ODR4: variants seen among roughly 807,000 people sequenced by gnomAD.
The protein encoded by ODR4 is odr-4 GPCR localization factor homolog, also known as protein odr-4 homolog.
Under a neutral mutation model 60.2 loss-of-function variants are expected in ODR4, and 47 were observed. The ratio of observed to expected loss-of-function variants is 0.78; its 90% CI spans 0.62 to 1.00. The LOEUF (loss-of-function observed/expected upper bound fraction) is 1.00, where lower values mean the gene tolerates loss of function less well. Among genes scored for constraint, ODR4 ranks in the 50% least tolerant of loss-of-function variants. The probability of loss-of-function intolerance (pLI) is 0.00; values close to 1 mark genes in which losing one functional copy is unlikely to be tolerated. For missense variants in ODR4, 488 were observed against 530.8 expected, an observed-to-expected ratio of 0.92 and a Z score of 0.79; for synonymous variants, 178 against 175.5, an observed-to-expected ratio of 1.01 and a Z score of -0.11.
intron 8 of ODR4, among the ~76,000 whole-genome samples, chr1:186,392,914 A>G (rs1205276008): frequency 6.6e-6 from 1 of 152,232 alleles, no homozygotes; most frequent in Non-Finnish European, 1.5e-5. Context: ...CTGAGGCAGA[A>G]GAATGGCTTG....
intron 12 of ODR4, among the ~76,000 whole-genome samples, chr1:186,411,627 A>G (rs1301562134): frequency 6.6e-6 from 1 of 151,958 alleles, no homozygotes. Context: ...TATTAGCATG[A>G]ACCAGTAAAT....
intron 11 of ODR4, among the ~76,000 whole-genome samples, chr1:186,404,813 G>A (rs1661114000): frequency 6.6e-6 from 1 of 152,126 alleles, no homozygotes; most frequent in Non-Finnish European, 1.5e-5. Context: ...TGACAACGAA[G>A]TCTAGGTTAC....
chr1:186,401,358 C>G, intron 11 of ODR4: 1 of 507,062 alleles, frequency 2.0e-6, no homozygotes, highest in Non-Finnish European at 3.6e-6. Context: ...AGAGCATAGA[C>G]TGTAGTTTGG....
chr1:186,388,298 A>G (rs1408745921), intron 4 of ODR4, 144 bp from the exon 5 acceptor site: 6 of 522,162 alleles, frequency 1.1e-5, no homozygotes, highest in African/African-American at 6.0e-5. Flanking sequence ...CTTGAGCAAC[A>G]TAGTGAGACC....
Position 186,419,364 on chromosome 1 carries a change from T to G in ODR4, c.*288T>G. On this transcript the variant is annotated 3_prime_UTR_variant, in exon 14 of 14. Coordinates refer to ENST00000287859, the MANE Select transcript of ODR4 (RefSeq NM_017847.6). ...TTAAAAGCTTCAAAATGATGGGATA[T>G]GATCATAGATTTTAGTCTTACTAAT... The G allele has an allele frequency of 2.6e-6, 1 of 386,152 alleles. No homozygotes were observed. Among genetic ancestry groups the G allele is most frequent in the South Asian group, 3.0e-5 (1 of 33,212 alleles). The allele number at this position is 386,152 out of a possible 1,614,324, so 23.9% of individuals were successfully genotyped here.
chr1:186,421,845 G>C, downstream of ODR4, among the ~76,000 whole-genome samples: 1 of 135,668 alleles, frequency 7.4e-6, no homozygotes, highest in Non-Finnish European at 1.5e-5. Context: ...CTGGGTGACA[G>C]AGTGAGACTC....
rs569500105 is a variant in ODR4, at chr1:186,410,240, A to G, written c.1186+3972A>G. 5.9e-4 allele frequency among the ~76,000 whole-genome samples: 90 copies of G among 152,348 alleles called. 1 individual carries two copies. The highest frequency in any genetic ancestry group is 3.4e-4 in the Non-Finnish European group (23 of 68,028). Reference sequence around the variant, plus strand: ...AAGGTTTTTAAGATTTGTGTAGTATAGTATATTGAACATGTTGAGGGTTTA... The same window carrying G: ...AAGGTTTTTAAGATTTGTGTAGTATGGTATATTGAACATGTTGAGGGTTTA... On this transcript the variant is annotated intron_variant, in intron 12 of 13. Transcript: ENST00000287859.
At chr1:186,385,696 G>A (rs981321850) in intron 3 of ODR4, among the ~76,000 whole-genome samples, 4 of 152,058 alleles carry the variant, frequency 2.6e-5, no homozygotes, top group African/African-American at 9.7e-5. Context: ...TGTCAAATGA[G>A]GGTATAAACA....
At chr1:186,428,736 G>A in the ODR4 span, among the ~76,000 whole-genome samples, 1 of 152,094 alleles carries the variant, frequency 6.6e-6, no homozygotes, top group Non-Finnish European at 1.5e-5. Flanking sequence ...ACACTTACAG[G>A]CCATTGTAGG....
chr1:186,380,292 G>A (rs529077208), intron 2 of ODR4, among the ~76,000 whole-genome samples: 1 of 152,072 alleles, frequency 6.6e-6, no homozygotes, highest in East Asian at 1.9e-4. Flanking sequence ...AATTTGTGTT[G>A]TCTTATATCA....
chr1:186,417,312 T>C (rs1661611058), intron 12 of ODR4: 1 of 384,076 alleles, frequency 2.6e-6, no homozygotes. Context: ...TGTGGCCCTC[T>C]GGTTTAGTTC....
At chr1:186,405,665 C>T (rs1471699813) in intron 11 of ODR4, among the ~76,000 whole-genome samples, 1 of 152,146 alleles carries the variant, frequency 6.6e-6, no homozygotes, top group Non-Finnish European at 1.5e-5. Context: ...AATCCTCCTG[C>T]CTCAGCCTCC....
At chr1:186,405,725 T>C (rs1419413700) in intron 11 of ODR4, among the ~76,000 whole-genome samples, 1 of 152,086 alleles carries the variant, frequency 6.6e-6, no homozygotes, top group East Asian at 1.9e-4. Flanking sequence ...CTAATTTTTG[T>C]ATTTTTAGTA....
rs867535950 is a variant in ODR4, at chr1:186,419,672, A to G, written c.*596A>G. ...GGCTGCAGCGAGCTATGATCACATCACTGTACTCCAGCCTGGGTGACAAAA... is the reference window on the plus strand; with the variant it reads ...GGCTGCAGCGAGCTATGATCACATCGCTGTACTCCAGCCTGGGTGACAAAA... On this transcript the variant is annotated 3_prime_UTR_variant, in exon 14 of 14. Transcript: ENST00000287859. 1 of 152,222 alleles carries G rather than the reference A, an allele frequency of 6.6e-6. No individual in the cohort carries two copies. 9.4% of individuals were successfully genotyped at this position (152,222 alleles called of 1,614,324 possible). A position where few individuals can be genotyped will look rare whatever the true frequency, so the allele number is the denominator to read the frequency against.
chr1:186,411,932 T>C, intron 12 of ODR4: 2 of 519,750 alleles, frequency 3.8e-6, no homozygotes, highest in South Asian at 8.4e-5. Context: ...AAACTCATGG[T>C]TTCTAGATGA....
intron 6 of ODR4, among the ~76,000 whole-genome samples, chr1:186,390,281 C>T (rs1172478230): frequency 2.6e-5 from 4 of 152,134 alleles, no homozygotes; most frequent in Non-Finnish European, 5.9e-5. Flanking sequence ...TTTGCTAATG[C>T]ATCTAAAAGG....
intron 11 of ODR4, among the ~76,000 whole-genome samples, chr1:186,404,686 A>G (rs1251920643): frequency 4.6e-5 from 7 of 152,234 alleles, no homozygotes; most frequent in Admixed American, 4.6e-4. Context: ...TGTGCAAACA[A>G]GATAATACAC....
Position 186,383,175 on chromosome 1 carries a change from T to G in ODR4, c.234+19T>G, listed in dbSNP as rs774921333. 2 of 1,540,600 alleles carry G rather than the reference T, an allele frequency of 1.3e-6. No homozygotes were observed. Among genetic ancestry groups the G allele is most frequent in the Non-Finnish European group, 8.7e-7 (1 of 1,144,132 alleles). On this transcript the variant is annotated intron_variant, in intron 3 of 13. Transcript: ENST00000287859. ...CTGCCAGGTTATCTTATTTTTTTGT[T>G]TATATGTTTAAGTTTTATTTCAAAA...
intron 2 of ODR4, among the ~76,000 whole-genome samples, chr1:186,381,159 G>A (rs1160544907): frequency 6.6e-6 from 1 of 152,004 alleles, no homozygotes; most frequent in East Asian, 1.9e-4. Context: ...CTTTCTCTTT[G>A]TTTAAAACAT....
Sources: gnomAD v4.1 joint callset for allele counts (sites outside exome capture counted in the v4.1 genomes callset) on GRCh38, gnomAD v4.1.1 for gene constraint, MANE v1.5 for transcripts, NCBI Gene and HGNC (gene_info 2026-07-23, HGNC 2026-07-21) for gene names.